The following GABBR2 variants were observed in gnomAD, a reference collection of about 807,000 sequenced individuals.
GABBR2 encodes G-protein coupled receptor 51.
GABBR2 carries 23 observed loss-of-function variants against 105.6 expected under a neutral mutation model. That is an observed-to-expected ratio of 0.22 (90% CI 0.16 to 0.31). The LOEUF (loss-of-function observed/expected upper bound fraction) is 0.31, where lower values mean the gene tolerates loss of function less well. Among genes scored for constraint, GABBR2 ranks in the 10% least tolerant of loss-of-function variants. GABBR2 has a pLI of 1.00. For synonymous variants in GABBR2, 478 were observed against 499.7 expected, an observed-to-expected ratio of 0.96 and a Z score of 0.58; for missense variants, 734 against 1,245.5, an observed-to-expected ratio of 0.59 and a Z score of 6.18.
intron 7 of GABBR2, among the ~76,000 whole-genome samples, chr9:98,443,724 A>C (rs1351872726): frequency 6.6e-6 from 1 of 152,224 alleles, no homozygotes; most frequent in East Asian, 1.9e-4. Flanking sequence ...AGGGGTACAG[A>C]GAGAATTACA....
chr9:98,353,058 A>T (rs1413684713), intron 13 of GABBR2, among the ~76,000 whole-genome samples: 1 of 152,066 alleles, frequency 6.6e-6, no homozygotes, highest in East Asian at 1.9e-4. Context: ...ATGCAGTTGT[A>T]TGGACTCCAG....
intron 1 of GABBR2, among the ~76,000 whole-genome samples, chr9:98,629,089 G>A (rs1311488803): frequency 6.6e-6 from 1 of 152,170 alleles, no homozygotes; most frequent in Non-Finnish European, 1.5e-5. Context: ...TAACGAAAGG[G>A]ATCATTCTGA....
At chr9:98,408,251 C>A (rs1418143921) in intron 7 of GABBR2, among the ~76,000 whole-genome samples, 1 of 152,190 alleles carries the variant, frequency 6.6e-6, no homozygotes, top group Non-Finnish European at 1.5e-5. Flanking sequence ...CTCCCAGAAT[C>A]ATCAGCCCCC....
At chr9:98,298,289 T>C (rs1425108164) in intron 17 of GABBR2, among the ~76,000 whole-genome samples, 2 of 152,208 alleles carry the variant, frequency 1.3e-5, no homozygotes, top group African/African-American at 4.8e-5. Flanking sequence ...CACTTTTTAA[T>C]AGCTATAAAA....
chr9:98,466,830 T>C (rs561958904), intron 6 of GABBR2, among the ~76,000 whole-genome samples: 1 of 152,212 alleles, frequency 6.6e-6, no homozygotes, highest in Non-Finnish European at 1.5e-5. Context: ...ATATAAAAGA[T>C]GTCTGTGGGG....
chr9:98,338,895 G>A (rs1294788542), intron 13 of GABBR2, among the ~76,000 whole-genome samples: 2 of 152,192 alleles, frequency 1.3e-5, no homozygotes, highest in Non-Finnish European at 2.9e-5. Flanking sequence ...TCTATGAAAT[G>A]TTGAATGGAA....
chr9:98,332,803 C>T (rs756057819), intron 13 of GABBR2, among the ~76,000 whole-genome samples: 5 of 152,214 alleles, frequency 3.3e-5, no homozygotes, highest in Admixed American at 6.5e-5. Context: ...CGCCCATTGG[C>T]GGAAATCATG....
chr9:98,604,379 T>A (rs1564128214), intron 1 of GABBR2, among the ~76,000 whole-genome samples: 1 of 152,190 alleles, frequency 6.6e-6, no homozygotes, highest in Non-Finnish European at 1.5e-5. Flanking sequence ...TCACCGAAGT[T>A]CTCAGTGTCT....
At chr9:98,400,196 T>TAA (rs1300092978) in intron 8 of GABBR2, among the ~76,000 whole-genome samples, 1 of 132,310 alleles carries the variant, frequency 7.6e-6, no homozygotes, top group African/African-American at 2.8e-5. Flanking sequence ...TTTTTTTTTT[T>TAA]AAAAAAAAAA....
chr9:98,536,572 G>C (rs933201044), intron 3 of GABBR2, among the ~76,000 whole-genome samples: 52 of 151,950 alleles, frequency 3.4e-4, no homozygotes, highest in Non-Finnish European at 8.8e-5. Flanking sequence ...TCCTGGGCCC[G>C]CAGTGCCCAT....
intron 7 of GABBR2, among the ~76,000 whole-genome samples, chr9:98,453,333 C>G (rs567792836): frequency 1.3e-5 from 2 of 152,222 alleles, no homozygotes; most frequent in Non-Finnish European, 2.9e-5. Flanking sequence ...GCCTCTATGC[C>G]CTTTCTTTCT....
At chr9:98,368,538 C>A (rs1330602759) in intron 12 of GABBR2, among the ~76,000 whole-genome samples, 1 of 152,148 alleles carries the variant, frequency 6.6e-6, no homozygotes, top group East Asian at 1.9e-4. Flanking sequence ...CATATCACTG[C>A]CCCACAGGGA....
At chr9:98,296,839 A>AT (rs533848835) in intron 17 of GABBR2, among the ~76,000 whole-genome samples, 2 of 151,890 alleles carry the variant, frequency 1.3e-5, no homozygotes, top group African/African-American at 2.4e-5. Flanking sequence ...GCTTTGTTTG[A>AT]TTTTTTTGAC....
At chr9:98,497,531 T>A (rs1171172829) in intron 3 of GABBR2, among the ~76,000 whole-genome samples, 1 of 152,134 alleles carries the variant, frequency 6.6e-6, no homozygotes, top group Non-Finnish European at 1.5e-5. Context: ...GAAACTGGAT[T>A]TTGGGTTTTA....
chr9:98,516,551 G>A (rs948498354), intron 3 of GABBR2, among the ~76,000 whole-genome samples: 2 of 152,142 alleles, frequency 1.3e-5, no homozygotes, highest in African/African-American at 4.8e-5. Flanking sequence ...TTTATTTAAC[G>A]GCAGCAACAG....
chr9:98,665,460 T>C lies in GABBR2; in HGVS notation c.321+42957A>G, dbSNP rs980061359. 2.0e-5 allele frequency among the ~76,000 whole-genome samples: 3 copies of C among 152,076 alleles called. No individual in the cohort carries two copies. In the East Asian group the frequency reaches 5.8e-4, roughly 29 times the overall value. On this transcript the variant is annotated intron_variant, in intron 1 of 18. Transcript: ENST00000259455. ...GACACAGAAAGCTGCCAGCTTTGTGTAGATCCCAGGGCAGAAAAGGTCTTT... is the reference window on the plus strand; with the variant it reads ...GACACAGAAAGCTGCCAGCTTTGTGCAGATCCCAGGGCAGAAAAGGTCTTT...
In GABBR2 at chr9:98,620,868, A is replaced by G. The variant is rs555131020; in HGVS notation, c.322-42796T>C. Reference sequence around the variant, plus strand: ...CTATCTGCGGGGCCCTCAGCAAACTACCTTCCACCTCTGAGTCTCAGTTTC... The same window carrying G: ...CTATCTGCGGGGCCCTCAGCAAACTGCCTTCCACCTCTGAGTCTCAGTTTC... On this transcript the variant is annotated intron_variant, in intron 1 of 18. Transcript: ENST00000259455. Among the ~76,000 whole-genome samples, 3 of 152,186 alleles carry G rather than the reference A, an allele frequency of 2.0e-5. No individual in the cohort carries two copies. In the East Asian group the frequency reaches 5.8e-4, roughly 29 times the overall value.
chr9:98,528,583 C>A (rs537102343), intron 3 of GABBR2, among the ~76,000 whole-genome samples: 53 of 151,924 alleles, frequency 3.5e-4, no homozygotes, highest in African/African-American at 1.3e-3. Flanking sequence ...TGATCTGATA[C>A]CCTTACTTTA....
Position 98,637,537 on chromosome 9 carries a change from C to T in GABBR2, c.322-59465G>A, listed in dbSNP as rs1048882948. Reference sequence around the variant, plus strand: ...TCAGCTGACCTTAAAGTAGGGAGCTCACAGTGGATGATTCATGTGGATCTG... The same window carrying T: ...TCAGCTGACCTTAAAGTAGGGAGCTTACAGTGGATGATTCATGTGGATCTG... On this transcript the variant is annotated intron_variant, in intron 1 of 18. Coordinates refer to ENST00000259455, the MANE Select transcript of GABBR2 (RefSeq NM_005458.8). Among the ~76,000 whole-genome samples, 13 of 152,118 alleles carry T rather than the reference C, an allele frequency of 8.5e-5. No individual in the cohort carries two copies. The East Asian group carries it at 1.7e-3, about 20-fold the overall frequency.
Sources: gnomAD v4.1 joint callset for allele counts (sites outside exome capture counted in the v4.1 genomes callset) on GRCh38, gnomAD v4.1.1 for gene constraint, MANE v1.5 for transcripts, NCBI Gene and HGNC (gene_info 2026-07-23, HGNC 2026-07-21) for gene names.